Variants in OPHN1 observed in about 807,000 individuals in gnomAD.
OPHN1 encodes the protein oligophrenin-1.
In OPHN1, 11 loss-of-function variants were observed where a neutral mutation model predicts 60.7. The observed-to-expected ratio is 0.18, with a 90% CI of 0.11 to 0.30. OPHN1 has a LOEUF of 0.30. Among genes scored for constraint, OPHN1 ranks in the 10% least tolerant of loss-of-function variants. OPHN1 has a pLI of 1.00. For synonymous variants in OPHN1, 226 were observed against 222.6 expected (o/e 1.02, Z -0.14); for missense variants, 449 against 611.0 (o/e 0.73, Z 2.80).
At chrX:68,100,869 C>T (rs2077055694) in intron 18 of OPHN1, among the ~76,000 whole-genome samples, 1 of 110,502 alleles carries the variant, frequency 9.0e-6, no homozygotes, top group African/African-American at 3.3e-5. Flanking sequence ...GCCTCAGCCT[C>T]CCGAGTAGCT....
At chrX:68,109,489 C>T (rs1396379022) in intron 18 of OPHN1, among the ~76,000 whole-genome samples, 1 of 111,215 alleles carries the variant, frequency 9.0e-6, no homozygotes, top group Non-Finnish European at 1.9e-5. Flanking sequence ...CATTTGTGTA[C>T]AAGATTTTGT....
intron 15 of OPHN1, among the ~76,000 whole-genome samples, chrX:68,154,874 C>CACAT (rs1315323360): frequency 9.4e-6 from 1 of 106,865 alleles, no homozygotes; most frequent in African/African-American, 3.6e-5. Flanking sequence ...CACACACACA[C>CACAT]ACACACACAC....
At chrX:68,268,452 A>G (rs1353969110) in intron 5 of OPHN1, among the ~76,000 whole-genome samples, 1 of 111,945 alleles carries the variant, frequency 8.9e-6, no homozygotes, top group Non-Finnish European at 1.9e-5. Context: ...AAATCAATAA[A>G]CGTAATCCAG....
intron 15 of OPHN1, among the ~76,000 whole-genome samples, chrX:68,149,295 C>T (rs1160375075): frequency 5.4e-5 from 6 of 111,597 alleles, no homozygotes; most frequent in Non-Finnish European, 1.1e-4. Context: ...GAGTGGAAGG[C>T]TCTAATGAAT....
intron 15 of OPHN1, among the ~76,000 whole-genome samples, chrX:68,178,182 A>T (rs1408172716): frequency 1.8e-5 from 2 of 111,781 alleles, no homozygotes; most frequent in Non-Finnish European, 3.8e-5. Flanking sequence ...ATATACATTT[A>T]AAAATTTCCT....
At chrX:68,294,405 G>A (rs1201767085) in intron 3 of OPHN1, among the ~76,000 whole-genome samples, 8 of 104,028 alleles carry the variant, frequency 7.7e-5, no homozygotes, top group Non-Finnish European at 1.2e-4. Flanking sequence ...CCCGGGAGGC[G>A]GAGGTTGCAG....
chrX:68,322,772 G>A (rs2078241721), intron 2 of OPHN1, among the ~76,000 whole-genome samples: 1 of 111,570 alleles, frequency 9.0e-6, no homozygotes, highest in African/African-American at 3.3e-5. Flanking sequence ...GGTTGAAAGA[G>A]TGAGACCCTG....
At chrX:68,056,910 T>C (rs944703818) in intron 21 of OPHN1, among the ~76,000 whole-genome samples, 26 of 111,724 alleles carry the variant, frequency 2.3e-4, no homozygotes, top group African/African-American at 8.4e-4. Flanking sequence ...ATAATAATAG[T>C]AATGGTAATA....
At chrX:68,270,034 A>G (rs1190172352) in intron 5 of OPHN1, among the ~76,000 whole-genome samples, 3 of 111,487 alleles carry the variant, frequency 2.7e-5, no homozygotes, top group African/African-American at 9.8e-5. Context: ...CAAAACCACA[A>G]TGAGATACCA....
In OPHN1 at chrX:68,084,642, C is replaced by T. The variant is rs1379801478; in HGVS notation, c.1687-11343G>A. Among the ~76,000 whole-genome samples, 5 of 110,484 alleles carry T rather than the reference C, an allele frequency of 4.5e-5. No individual in the cohort carries two copies. In the East Asian group the frequency reaches 1.4e-3, roughly 32 times the overall value. ...AAACCCTTCCTCACAGGTTGTTCTT[C>T]TTCAAGAAGCTACCCAGGCCTTAAG... is the stretch of plus-strand genomic sequence containing the variant. On this transcript the variant is annotated intron_variant, in intron 19 of 24. Coordinates refer to ENST00000355520, the MANE Select transcript of OPHN1 (RefSeq NM_002547.3).
intron 2 of OPHN1, among the ~76,000 whole-genome samples, chrX:68,411,630 T>A (rs2078770116): frequency 8.9e-6 from 1 of 112,118 alleles, no homozygotes; most frequent in Admixed American, 9.5e-5. Flanking sequence ...GTTTCCTGCT[T>A]GTTAATTTGT....
chrX:68,242,625 T>C (rs1157967517), intron 5 of OPHN1, among the ~76,000 whole-genome samples: 1 of 111,267 alleles, frequency 9.0e-6, no homozygotes, highest in Non-Finnish European at 1.9e-5. Context: ...GTGACCAATG[T>C]TCCCTGTAGT....
intron 2 of OPHN1, among the ~76,000 whole-genome samples, chrX:68,308,624 A>AAGAAG (rs2078157930): frequency 9.0e-6 from 1 of 110,906 alleles, no homozygotes; most frequent in African/African-American, 3.3e-5. Context: ...AAGAAAAGAA[A>AAGAAG]AAAGAAAAGA....
chrX:68,101,872 T>G (rs1010571769), intron 18 of OPHN1, among the ~76,000 whole-genome samples: 1 of 112,271 alleles, frequency 8.9e-6, no homozygotes, highest in Admixed American at 9.5e-5. Flanking sequence ...TCACATGTGA[T>G]TTGTTCCAGC....
chrX:68,374,145 CA>C (rs2078543824), intron 2 of OPHN1, among the ~76,000 whole-genome samples: 1 of 109,911 alleles, frequency 9.1e-6, no homozygotes, highest in Non-Finnish European at 1.9e-5. Flanking sequence ...ATCACGAGGT[CA>C]AGAGATCAAG....
chrX:68,072,514 A>C (rs1049061125), intron 20 of OPHN1, among the ~76,000 whole-genome samples: 1 of 110,732 alleles, frequency 9.0e-6, no homozygotes, highest in Non-Finnish European at 1.9e-5. Flanking sequence ...TGTTTCAAGA[A>C]GGAGGAGTTA....
intron 2 of OPHN1, among the ~76,000 whole-genome samples, chrX:68,399,369 G>A (rs944638842): frequency 9.0e-6 from 1 of 111,526 alleles, no homozygotes; most frequent in Non-Finnish European, 1.9e-5. Context: ...AACCATCTGA[G>A]GGGCTGGACA....
chrX:68,191,075 T>C (rs2147453074), intron 15 of OPHN1, among the ~76,000 whole-genome samples: 1 of 111,625 alleles, frequency 9.0e-6, no homozygotes, highest in South Asian at 3.8e-4. Flanking sequence ...GACCAAAAAA[T>C]ATGTATTTTA....
chrX:68,157,635 C>T (rs2077315180), intron 15 of OPHN1, among the ~76,000 whole-genome samples: 1 of 111,616 alleles, frequency 9.0e-6, no homozygotes, highest in African/African-American at 3.3e-5. Flanking sequence ...ACTATGCTCA[C>T]TACCTGGGTG....
Sources: gnomAD v4.1 joint callset for allele counts (sites outside exome capture counted in the v4.1 genomes callset) on GRCh38, gnomAD v4.1.1 for gene constraint, MANE v1.5 for transcripts, NCBI Gene and HGNC (gene_info 2026-07-23, HGNC 2026-07-21) for gene names.